The following SOX6 variants were observed in gnomAD, a reference collection of about 807,000 sequenced individuals.
SOX6 encodes SRY-box transcription factor 6.
SOX6 carries 11 observed loss-of-function variants against 97.8 expected under a neutral mutation model. The ratio of observed to expected loss-of-function variants is 0.11; its 90% CI spans 0.07 to 0.19. The LOEUF (loss-of-function observed/expected upper bound fraction) is 0.19, where lower values mean the gene tolerates loss of function less well. Ranked by LOEUF, SOX6 falls within the 10% of genes least tolerant of loss-of-function variation. SOX6 has a pLI of 1.00. For synonymous variants in SOX6, 360 were observed against 371.4 expected, an observed-to-expected ratio of 0.97 and a Z score of 0.35; for missense variants, 810 against 1,039.5, an observed-to-expected ratio of 0.78 and a Z score of 3.04.
chr11:16,049,882 A>G lies in SOX6; in HGVS notation c.1308T>C (p.Pro436=), dbSNP rs1312481559. 2 of 1,613,476 alleles carry G rather than the reference A, an allele frequency of 1.2e-6. No individual in the cohort carries two copies. Among genetic ancestry groups the G allele is most frequent in the Non-Finnish European group, 1.7e-6 (2 of 1,179,778 alleles). ...NLSSRPKTAE[P]VKSPTSPTQN... Reference sequence around the variant, plus strand: ...GGGTGGGAGACGTTGGGGACTTTACAGGCTCTGCTGTCTTGGGTCGGGATG... The same window carrying G: ...GGGTGGGAGACGTTGGGGACTTTACGGGCTCTGCTGTCTTGGGTCGGGATG... Residue 436 remains proline (P), a synonymous_variant, in exon 11 of 16, where the codon CCT becomes CCC. Transcript: ENST00000683767.
At chr11:16,169,095 C>G (rs149142646) in intron 6 of SOX6, among the ~76,000 whole-genome samples, 1 of 152,022 alleles carries the variant, frequency 6.6e-6, no homozygotes, top group South Asian at 2.1e-4. Flanking sequence ...GAATTTTTAA[C>G]AAATTTATTG....
At chr11:16,695,831 GA>G (rs113146081) in intron 3 of SOX6, among the ~76,000 whole-genome samples, 4,349 of 146,214 alleles carry the variant, frequency 0.03, 156 homozygotes, top group African/African-American at 0.083. Flanking sequence ...CTACCAATAA[GA>G]AAAAAAAAAA....
At chr11:16,458,246 T>C (rs1282177386) in intron 1 of SOX6, among the ~76,000 whole-genome samples, 1 of 151,998 alleles carries the variant, frequency 6.6e-6, no homozygotes, top group Non-Finnish European at 1.5e-5. Flanking sequence ...ATTTAAGCAC[T>C]TACTATATGT....
chr11:16,560,619 A>G (rs541139294), intron 4 of SOX6, among the ~76,000 whole-genome samples: 2 of 134,716 alleles, frequency 1.5e-5, no homozygotes, highest in African/African-American at 5.9e-5. Context: ...ATACGTACAT[A>G]TATGTTTATA....
At chr11:16,207,593 CAAAAAAAAAA>C (rs11337273) in intron 4 of SOX6, among the ~76,000 whole-genome samples, 1 of 129,432 alleles carries the variant, frequency 7.7e-6, no homozygotes, top group South Asian at 2.4e-4. Flanking sequence ...GACTCCATCT[CAAAAAAAAAA>C]AAAAAGTAAA....
chr11:16,285,172 T>C (rs1854695551), intron 3 of SOX6, among the ~76,000 whole-genome samples: 1 of 152,136 alleles, frequency 6.6e-6, no homozygotes, highest in Non-Finnish European at 1.5e-5. Context: ...ATCAAATAAC[T>C]AGACTACAAC....
intron 4 of SOX6, among the ~76,000 whole-genome samples, chr11:16,536,050 C>T (rs1861303823): frequency 6.6e-6 from 1 of 152,164 alleles, no homozygotes; most frequent in Non-Finnish European, 1.5e-5. Flanking sequence ...TTTTACAGAT[C>T]ACCCTCACAT....
intron 4 of SOX6, among the ~76,000 whole-genome samples, chr11:16,591,597 T>G (rs553769439): frequency 6.6e-6 from 1 of 152,226 alleles, no homozygotes; most frequent in South Asian, 2.1e-4. Flanking sequence ...TACAAAAATT[T>G]TCATCTATTT....
chr11:16,255,007 A>G (rs568348410), intron 3 of SOX6, among the ~76,000 whole-genome samples: 18 of 152,218 alleles, frequency 1.2e-4, no homozygotes, highest in African/African-American at 4.3e-4. Context: ...CAGAACAAGG[A>G]CAGTTATCAG....
In SOX6 at chr11:16,550,424, C is replaced by A. The variant is rs147857020; in HGVS notation, n.609+61657G>T. 1.8e-3 allele frequency among the ~76,000 whole-genome samples: 270 copies of A among 151,988 alleles called. 1 individual carries two copies. The highest frequency in any genetic ancestry group is 6.3e-3 in the African/African-American group (262 of 41,470). On this transcript the variant is annotated intron_variant and non_coding_transcript_variant, in intron 4 of 5. Transcript: ENST00000524520. ...GCATATGTATACATATGTAACAAACCTGCACGTTGTGCACATGTACCCTAG... is the reference window on the plus strand; with the variant it reads ...GCATATGTATACATATGTAACAAACATGCACGTTGTGCACATGTACCCTAG...
At chr11:16,636,087 G>A (rs1848783579) in intron 3 of SOX6, among the ~76,000 whole-genome samples, 1 of 152,204 alleles carries the variant, frequency 6.6e-6, no homozygotes, top group Non-Finnish European at 1.5e-5. Flanking sequence ...GTGAGAGGAA[G>A]GCCACCATCC....
chr11:16,582,465 A>G (rs897201668), intron 4 of SOX6, among the ~76,000 whole-genome samples: 2 of 152,138 alleles, frequency 1.3e-5, no homozygotes, highest in Admixed American at 6.6e-5. Flanking sequence ...TATCTTTAGC[A>G]TCTATCTGGC....
chr11:16,165,655 T>C (rs1401982620), intron 6 of SOX6, among the ~76,000 whole-genome samples: 1 of 152,158 alleles, frequency 6.6e-6, no homozygotes, highest in Non-Finnish European at 1.5e-5. Flanking sequence ...CCCAGCACTT[T>C]GGGAGGCCAA....
chr11:16,259,500 T>C (rs74925216), intron 3 of SOX6, among the ~76,000 whole-genome samples: 8,167 of 152,198 alleles, frequency 0.054, 294 homozygotes, highest in Non-Finnish European at 0.084. Flanking sequence ...AGAACAAAAT[T>C]AAAGGAGCTG....
intron 4 of SOX6, among the ~76,000 whole-genome samples, chr11:16,213,629 C>A (rs1852289550): frequency 6.6e-6 from 1 of 152,150 alleles, no homozygotes; most frequent in Non-Finnish European, 1.5e-5. Flanking sequence ...CTCCACCAAG[C>A]ACACAGTATA....
chr11:16,463,483 C>A (rs1224267112), intron 1 of SOX6, among the ~76,000 whole-genome samples: 1 of 152,140 alleles, frequency 6.6e-6, no homozygotes, highest in Non-Finnish European at 1.5e-5. Context: ...TTTAGAGAAA[C>A]CAACTGGGTA....
intron 9 of SOX6, among the ~76,000 whole-genome samples, chr11:16,066,329 T>C (rs989855313): frequency 1.3e-5 from 2 of 152,158 alleles, no homozygotes; most frequent in Non-Finnish European, 2.9e-5. Context: ...ACAACCACTA[T>C]GGAGCACAAT....
chr11:16,733,205 G>A (rs1418541823), intron 2 of SOX6, among the ~76,000 whole-genome samples: 1 of 152,182 alleles, frequency 6.6e-6, no homozygotes, highest in African/African-American at 2.4e-5. Context: ...AATGCCATTT[G>A]GCCCAGAAAT....
At chr11:16,370,232 T>G (rs1857466283) in intron 1 of SOX6, among the ~76,000 whole-genome samples, 1 of 152,144 alleles carries the variant, frequency 6.6e-6, no homozygotes, top group South Asian at 2.1e-4. Flanking sequence ...CTTCATACAG[T>G]TATTAATATC....
Sources: gnomAD v4.1 joint callset for allele counts (sites outside exome capture counted in the v4.1 genomes callset) on GRCh38, gnomAD v4.1.1 for gene constraint, MANE v1.5 for transcripts, NCBI Gene and HGNC (gene_info 2026-07-23, HGNC 2026-07-21) for gene names.